ALK: variants seen among roughly 807,000 people sequenced by gnomAD.
ALK encodes the protein ALK tyrosine kinase receptor.
ALK carries 74 observed loss-of-function variants against 163.1 expected under a neutral mutation model. The observed-to-expected ratio is 0.45, with a 90% CI of 0.38 to 0.55. ALK has a LOEUF of 0.55. ALK is among the 20% of genes least tolerant of loss of function. The pLI, the probability that ALK is intolerant of heterozygous loss-of-function variation, is 0.00. For synonymous variants in ALK, 960 were observed against 843.2 expected (o/e 1.14, Z -2.40); for missense variants, 2,063 against 2,105.3 (o/e 0.98, Z 0.39).
chr2:29,231,286 G>A (rs62130594), intron 15 of ALK, among the ~76,000 whole-genome samples: 16,768 of 152,242 alleles, frequency 0.11, 1,120 homozygotes, highest in African/African-American at 0.19. Flanking sequence ...GGCATGAGCC[G>A]AGACCGTGCC....
At chr2:29,858,057 G>T (rs913371955) in intron 1 of ALK, among the ~76,000 whole-genome samples, 5 of 58,932 alleles carry the variant, frequency 8.5e-5, no homozygotes, top group African/African-American at 2.7e-4. Flanking sequence ...ATGTGTGTGT[G>T]CATGTGTGTG....
At chr2:29,498,604 C>T (rs746738466) in intron 4 of ALK, among the ~76,000 whole-genome samples, 9 of 151,892 alleles carry the variant, frequency 5.9e-5, no homozygotes, top group Non-Finnish European at 1.3e-4. Context: ...GCAGAGGGGC[C>T]CCAATGGAGC....
Position 29,682,984 on chromosome 2 carries a change from G to A in ALK, c.952+11866C>T, listed in dbSNP as rs140822477. On this transcript the variant is annotated intron_variant, in intron 3 of 28. Transcript: ENST00000389048. ...CATTAACAAGTAAACACAGCATCTC[G>A]CATATTTCCAAATACTAACAGCTTC... Among the ~76,000 whole-genome samples, 722 of 152,186 alleles carry A rather than the reference G, an allele frequency of 4.7e-3. 4 individuals are homozygous for A. The highest frequency in any genetic ancestry group is 0.016 in the African/African-American group (680 of 41,512).
At chr2:29,388,408 C>T (rs1669084447) in intron 4 of ALK, among the ~76,000 whole-genome samples, 1 of 152,174 alleles carries the variant, frequency 6.6e-6, no homozygotes. Flanking sequence ...CAAACCCACC[C>T]TACATACTTT....
chr2:29,532,608 C>T (rs1673150793), intron 3 of ALK, among the ~76,000 whole-genome samples: 1 of 152,130 alleles, frequency 6.6e-6, no homozygotes, highest in Non-Finnish European at 1.5e-5. Flanking sequence ...TGTGAACTTG[C>T]AACTGGTCTC....
intron 4 of ALK, among the ~76,000 whole-genome samples, chr2:29,504,057 C>T (rs1006913363): frequency 2.6e-5 from 4 of 151,956 alleles, no homozygotes; most frequent in Non-Finnish European, 5.9e-5. Flanking sequence ...GTTGGTGGTG[C>T]TAAAAGGAGC....
chr2:29,452,255 G>C (rs1403394407), intron 4 of ALK, among the ~76,000 whole-genome samples: 1 of 151,920 alleles, frequency 6.6e-6, no homozygotes, highest in Non-Finnish European at 1.5e-5. Context: ...GGCCTGGCTT[G>C]TTCTGGCTTC....
intron 4 of ALK, among the ~76,000 whole-genome samples, chr2:29,394,347 A>G (rs1179400071): frequency 6.6e-6 from 1 of 152,008 alleles, no homozygotes; most frequent in African/African-American, 2.4e-5. Context: ...AAGAAAGAAA[A>G]AAATCAAGCA....
intron 1 of ALK, among the ~76,000 whole-genome samples, chr2:29,739,040 C>A (rs1377564866): frequency 1.3e-5 from 2 of 151,488 alleles, no homozygotes; most frequent in Non-Finnish European, 2.9e-5. Context: ...AGTTCAAGAC[C>A]AGTCTGGGCA....
rs147758524 is a variant in ALK, at chr2:29,439,883, A to G, written c.1155-56024T>C. Among the ~76,000 whole-genome samples, 368 of 152,234 alleles carry G rather than the reference A, an allele frequency of 2.4e-3. 2 individuals carry two copies. The highest frequency in any genetic ancestry group is 8.5e-3 in the African/African-American group (351 of 41,526). ...GCTGACACCTTGATTTTGAATGTCT[A>G]GCCTCCAGAACTTTGAGTGAATAAG... On this transcript the variant is annotated intron_variant, in intron 4 of 28. Coordinates refer to ENST00000389048, the MANE Select transcript of ALK (RefSeq NM_004304.5).
chr2:29,833,474 A>G (rs1036628891), intron 1 of ALK, among the ~76,000 whole-genome samples: 20 of 152,156 alleles, frequency 1.3e-4, no homozygotes, highest in African/African-American at 4.8e-4. Flanking sequence ...GCACTCATTT[A>G]TTTTCCGTAT....
intron 15 of ALK, among the ~76,000 whole-genome samples, chr2:29,229,380 G>A (rs1038367766): frequency 2.6e-5 from 4 of 152,212 alleles, no homozygotes; most frequent in African/African-American, 9.6e-5. Context: ...GACGTGGGCA[G>A]ACAGGCAGCA....
intron 1 of ALK, among the ~76,000 whole-genome samples, chr2:29,866,489 G>A (rs1301820123): frequency 6.6e-6 from 1 of 152,178 alleles, no homozygotes; most frequent in Non-Finnish European, 1.5e-5. Flanking sequence ...AGAGCTGGCG[G>A]GTTTAGCGGA....
chr2:29,577,296 A>C (rs976441487), intron 3 of ALK, among the ~76,000 whole-genome samples: 1 of 152,168 alleles, frequency 6.6e-6, no homozygotes, highest in African/African-American at 2.4e-5. Flanking sequence ...GTTTCTTCAT[A>C]TGGAAGTAAA....
chr2:29,522,719 C>G (rs981480745), intron 4 of ALK, among the ~76,000 whole-genome samples: 4 of 152,066 alleles, frequency 2.6e-5, no homozygotes, highest in African/African-American at 9.7e-5. Context: ...GAACCCCCAC[C>G]CCATCTCCAT....
At chr2:29,837,037 C>T (rs75128069) in intron 1 of ALK, among the ~76,000 whole-genome samples, 1 of 152,214 alleles carries the variant, frequency 6.6e-6, no homozygotes, top group African/African-American at 2.4e-5. Context: ...CCACTGTGAA[C>T]ACAGACATCC....
At chr2:29,326,577 T>C (rs1027271914) in intron 6 of ALK, among the ~76,000 whole-genome samples, 8 of 152,156 alleles carry the variant, frequency 5.3e-5, no homozygotes, top group African/African-American at 1.9e-4. Flanking sequence ...ATGTGTGTAG[T>C]GAGAACTATA....
At chr2:29,397,735 C>T (rs188479405) in intron 4 of ALK, among the ~76,000 whole-genome samples, 2 of 152,150 alleles carry the variant, frequency 1.3e-5, no homozygotes. Context: ...TTTACCTCTG[C>T]CTCCCAGATG....
Position 29,331,569 on chromosome 2 carries a change from A to T in ALK, c.1283-3088T>A, listed in dbSNP as rs11898698. 6.2e-3 allele frequency among the ~76,000 whole-genome samples: 950 copies of T among 152,316 alleles called. 10 individuals are homozygous for T. Among genetic ancestry groups the T allele is most frequent in the African/African-American group, 0.022 (919 of 41,560 alleles). On this transcript the variant is annotated intron_variant, in intron 5 of 28. Transcript: ENST00000389048. Reference sequence around the variant, plus strand: ...TTTGGGCATCAATTCTTTACCTATCATTCATGTCCTCTTGGAAGCTAGAAG... The same window carrying T: ...TTTGGGCATCAATTCTTTACCTATCTTTCATGTCCTCTTGGAAGCTAGAAG...
Sources: allele counts gnomAD v4.1 joint callset (sites outside exome capture counted in the v4.1 genomes callset), GRCh38; gene constraint gnomAD v4.1.1; transcripts MANE v1.5; gene names NCBI Gene and HGNC (gene_info 2026-07-23, HGNC 2026-07-21).